SH3BGRL2: variants seen among roughly 807,000 people sequenced by gnomAD.
SH3BGRL2 encodes the protein SH3 domain binding glutamate rich protein like 2, also known as SH3 domain-binding glutamic acid-rich-like protein 2.
In SH3BGRL2, 21 loss-of-function variants were observed where a neutral mutation model predicts 14.8. The observed-to-expected ratio is 1.42, with a 90% confidence interval of 1.01 to 2.05. The LOEUF is 2.05. SH3BGRL2 is among the 30% of genes most tolerant of loss of function. The pLI is 0.00. For missense variants in SH3BGRL2, 147 were observed against 130.8 expected (o/e 1.12, Z -0.61); for synonymous variants, 50 against 47.8 (o/e 1.05, Z -0.19).
chr6:79,538,018 G>GTTTTTTTTTTTTTT, the SH3BGRL2 span, among the ~76,000 whole-genome samples: 84 of 44,162 alleles, frequency 1.9e-3, 21 homozygotes, highest in Non-Finnish European at 2.4e-3. Flanking sequence ...TTGCACACAA[G>GTTTTTTTTTTTTTT]TTTTTTTTTT....
chr6:79,593,185 C>T, the SH3BGRL2 span, among the ~76,000 whole-genome samples: 2 of 152,088 alleles, frequency 1.3e-5, no homozygotes, highest in Non-Finnish European at 2.9e-5. Context: ...AACTGTATAC[C>T]TTCATTGAAG....
At chr6:79,692,250 A>T (rs1199058986) in intron 2 of SH3BGRL2, among the ~76,000 whole-genome samples, 2 of 151,964 alleles carry the variant, frequency 1.3e-5, no homozygotes, top group East Asian at 3.9e-4. Context: ...TAGATTCTGG[A>T]TATTAGCCCT....
At chr6:79,674,169 T>C (rs1192889924) in intron 2 of SH3BGRL2, among the ~76,000 whole-genome samples, 1 of 152,178 alleles carries the variant, frequency 6.6e-6, no homozygotes, top group Non-Finnish European at 1.5e-5. Context: ...TATTAAATTA[T>C]TAATCAAATT....
chr6:79,573,099 T>C, the SH3BGRL2 span, among the ~76,000 whole-genome samples: 2 of 152,220 alleles, frequency 1.3e-5, no homozygotes, highest in Non-Finnish European at 2.9e-5. Flanking sequence ...AAAATATTCT[T>C]CTATACTTTA....
At chr6:79,584,109 G>A in the SH3BGRL2 span, among the ~76,000 whole-genome samples, 1 of 152,086 alleles carries the variant, frequency 6.6e-6, no homozygotes, top group Admixed American at 6.6e-5. Flanking sequence ...TGATTTTATG[G>A]TCCTCATTTA....
intron 1 of SH3BGRL2, among the ~76,000 whole-genome samples, chr6:79,640,890 C>T (rs1467436723): frequency 6.6e-6 from 1 of 152,106 alleles, no homozygotes; most frequent in Admixed American, 6.5e-5. Flanking sequence ...GAGTAAGAGA[C>T]ATACAATTAG....
chr6:79,631,578 G>A lies in SH3BGRL2; in HGVS notation c.45+72G>A, dbSNP rs1310625336. 4 of 1,224,918 alleles carry A rather than the reference G, an allele frequency of 3.3e-6. No individual in the cohort carries two copies. In the African/African-American group the frequency reaches 6.3e-5, roughly 19 times the overall value. 75.9% of individuals were successfully genotyped at this position (1,224,918 alleles called of 1,614,324 possible). A position where few individuals can be genotyped will look rare whatever the true frequency, so the allele number is the denominator to read the frequency against. On this transcript the variant is annotated intron_variant, in intron 1 of 3. Coordinates refer to ENST00000369838, the MANE Select transcript of SH3BGRL2 (RefSeq NM_031469.4). Reference sequence around the variant, plus strand: ...GTCCTGCGGGAGGCGCGCGGCGCTCGTCACTGCGCGTCCTTGCGCTCAGCC... The same window carrying A: ...GTCCTGCGGGAGGCGCGCGGCGCTCATCACTGCGCGTCCTTGCGCTCAGCC...
At chr6:79,666,364 G>A (rs1405062625) in intron 1 of SH3BGRL2, among the ~76,000 whole-genome samples, 1 of 152,164 alleles carries the variant, frequency 6.6e-6, no homozygotes, top group Non-Finnish European at 1.5e-5. Context: ...CTGTCCAGAA[G>A]CTCCACCTAG....
At chr6:79,649,985 T>TCTCACACACACACA (rs765159303) in intron 1 of SH3BGRL2, among the ~76,000 whole-genome samples, 1 of 141,980 alleles carries the variant, frequency 7.0e-6, no homozygotes, top group Non-Finnish European at 1.5e-5. Flanking sequence ...TCTCTCTCTC[T>TCTCACACACACACA]CACACACACA....
chr6:79,592,257 T>G, the SH3BGRL2 span, among the ~76,000 whole-genome samples: 3 of 152,182 alleles, frequency 2.0e-5, no homozygotes, highest in Non-Finnish European at 4.4e-5. Flanking sequence ...CCAGCTCCAT[T>G]TATCTGATTC....
chr6:79,556,089 C>CAT, the SH3BGRL2 span, among the ~76,000 whole-genome samples: 132,227 of 151,958 alleles, frequency 0.87, 57,957 homozygotes, highest in East Asian at 1. Flanking sequence ...AAATTCAAAA[C>CAT]AAAAAGGAAG....
chr6:79,674,692 G>A lies in SH3BGRL2; in HGVS notation c.231+893G>A, dbSNP rs576673885. ...GAAAACAATCCTTTCCCCCACGTGCGTAATGGAGAATGAGAAGTTGTAATA... is the reference window on the plus strand; with the variant it reads ...GAAAACAATCCTTTCCCCCACGTGCATAATGGAGAATGAGAAGTTGTAATA... On this transcript the variant is annotated intron_variant, in intron 2 of 3. Transcript: ENST00000369838. 7.9e-5 allele frequency among the ~76,000 whole-genome samples: 12 copies of A among 152,296 alleles called. No individual in the cohort carries two copies. The South Asian group carries it at 2.1e-3, about 26-fold the overall frequency.
intron 3 of SH3BGRL2, among the ~76,000 whole-genome samples, chr6:79,698,835 G>A (rs1252893449): frequency 3.3e-5 from 5 of 152,156 alleles, no homozygotes; most frequent in Non-Finnish European, 5.9e-5. Flanking sequence ...TCTGAGAAAG[G>A]GAGGCCATTT....
the SH3BGRL2 span, among the ~76,000 whole-genome samples, chr6:79,607,275 A>C: frequency 1.3e-5 from 2 of 152,262 alleles, no homozygotes; most frequent in East Asian, 3.9e-4. Context: ...ACAAATAAGA[A>C]AACTAGAAGT....
chr6:79,560,130 A>G, the SH3BGRL2 span, among the ~76,000 whole-genome samples: 1 of 152,160 alleles, frequency 6.6e-6, no homozygotes, highest in African/African-American at 2.4e-5. Context: ...CCATTCTGGG[A>G]AACTGAGGGG....
chr6:79,560,229 A>G, the SH3BGRL2 span, among the ~76,000 whole-genome samples: 2 of 152,242 alleles, frequency 1.3e-5, no homozygotes, highest in Non-Finnish European at 1.5e-5. Context: ...CATTGTGATT[A>G]GTGAAAGGGG....
At chr6:79,606,050 C>T in the SH3BGRL2 span, among the ~76,000 whole-genome samples, 2 of 152,046 alleles carry the variant, frequency 1.3e-5, no homozygotes, top group African/African-American at 2.4e-5. Flanking sequence ...GTCATCTAAA[C>T]GTGGCTCTGC....
chr6:79,579,640 C>T, the SH3BGRL2 span, among the ~76,000 whole-genome samples: 1 of 152,094 alleles, frequency 6.6e-6, no homozygotes, highest in East Asian at 1.9e-4. Flanking sequence ...ACAAGAGCTC[C>T]CGAAGGAAGC....
intron 2 of SH3BGRL2, among the ~76,000 whole-genome samples, chr6:79,684,171 T>C (rs1270157972): frequency 6.6e-6 from 1 of 152,202 alleles, no homozygotes; most frequent in Non-Finnish European, 1.5e-5. Context: ...CACCCCACAC[T>C]GATCTTTCTT....
Sources: allele counts gnomAD v4.1 joint callset (sites outside exome capture counted in the v4.1 genomes callset), GRCh38; gene constraint gnomAD v4.1.1; transcripts MANE v1.5; gene names NCBI Gene and HGNC (gene_info 2026-07-23, HGNC 2026-07-21).